The following HPF1 variants were observed in gnomAD, a reference collection of about 807,000 sequenced individuals.
HPF1 encodes UPF0609 protein C4orf27.
A neutral mutation model predicts 38.8 loss-of-function variants in HPF1; 35 were observed. The ratio of observed to expected loss-of-function variants is 0.90; its 90% CI spans 0.69 to 1.19. The LOEUF is 1.19. Among genes scored for constraint, HPF1 ranks in the 50% most tolerant of loss-of-function variants. HPF1 has a pLI of 0.00. For synonymous variants in HPF1, 115 were observed against 139.2 expected (o/e 0.83, Z 1.22); for missense variants, 367 against 405.8 (o/e 0.90, Z 0.82).
chr4:169,755,629 T>C (rs896618320), intron 1 of HPF1, among the ~76,000 whole-genome samples: 1 of 152,236 alleles, frequency 6.6e-6, no homozygotes, highest in Admixed American at 6.5e-5. Flanking sequence ...GGCTACACAA[T>C]ATGGACCAAC....
chr4:169,738,290 G>A (rs1733923423), intron 5 of HPF1, among the ~76,000 whole-genome samples: 1 of 152,128 alleles, frequency 6.6e-6, no homozygotes, highest in Non-Finnish European at 1.5e-5. Flanking sequence ...CTTTATGGAG[G>A]CAAATCACAT....
At chr4:169,731,643 T>A in intron 7 of HPF1, 61 bp downstream of exon 7, 1 of 1,283,756 alleles carries the variant, frequency 7.8e-7, no homozygotes, top group Non-Finnish European at 1.1e-6. Flanking sequence ...TGTGGATGTA[T>A]GTCGCGGGGA....
At chr4:169,733,445 C>T (rs953444886) in intron 6 of HPF1, among the ~76,000 whole-genome samples, 5 of 152,070 alleles carry the variant, frequency 3.3e-5, no homozygotes, top group African/African-American at 1.2e-4. Flanking sequence ...AACAAACCAA[C>T]AAAACATTTC....
In HPF1 at chr4:169,757,939, G is replaced by A. The variant is rs1328761370; in HGVS notation, c.-62C>T. The A allele has an allele frequency of 3.3e-6, 5 of 1,494,062 alleles. No individual in the cohort carries two copies. Among genetic ancestry groups the A allele is most frequent in the Non-Finnish European group, 4.5e-6 (5 of 1,110,334 alleles). 92.6% of individuals were successfully genotyped at this position (1,494,062 alleles called of 1,614,324 possible). A position where few individuals can be genotyped will look rare whatever the true frequency, so the allele number is the denominator to read the frequency against. On this transcript the variant is annotated 5_prime_UTR_variant, in exon 1 of 8. Coordinates refer to ENST00000393381, the MANE Select transcript of HPF1 (RefSeq NM_017867.3). ...CGGCCGCTTCCGAGCGCCGCCAACC[G>A]CTTCCGGGTTCAAAAGCCTCCAAGC...
intron 6 of HPF1, among the ~76,000 whole-genome samples, chr4:169,732,552 T>C (rs1424173477): frequency 1.3e-5 from 2 of 152,214 alleles, no homozygotes; most frequent in African/African-American, 2.4e-5. Context: ...CAAACCTGGC[T>C]CACCCTGTGT....
At chr4:169,730,233 G>A (rs938793413) in intron 7 of HPF1, among the ~76,000 whole-genome samples, 5 of 152,126 alleles carry the variant, frequency 3.3e-5, no homozygotes, top group African/African-American at 4.8e-5. Flanking sequence ...ATATACCACC[G>A]TTTTGCTGAT....
Position 169,729,694 on chromosome 4 carries a change from C to A in HPF1, c.925G>T (p.Ala309Ser). The change falls in exon 8 of 8, where the codon GCT becomes TCT. Residue 309 changes from alanine to serine, a missense_variant. Coordinates refer to ENST00000393381, the MANE Select transcript of HPF1 (RefSeq NM_017867.3). ...TATGCAAGAGGTAAAAGCTGGCCAG[C>A]AACTTTATGAAAATACTGAAAAATA... ...CYGSHYFHKV[A>S]GQLLPLAYNL... 1 of 1,518,216 alleles carries A rather than the reference C, an allele frequency of 6.6e-7. No individual in the cohort carries two copies. Among genetic ancestry groups the A allele is most frequent in the South Asian group, 1.3e-5 (1 of 75,206 alleles). 94.0% of individuals were successfully genotyped at this position (1,518,216 alleles called of 1,614,324 possible). A position where few individuals can be genotyped will look rare whatever the true frequency, so the allele number is the denominator to read the frequency against.
At chr4:169,736,781 A>G (rs1045241185) in intron 6 of HPF1, among the ~76,000 whole-genome samples, 4 of 152,200 alleles carry the variant, frequency 2.6e-5, no homozygotes, top group Non-Finnish European at 5.9e-5. Flanking sequence ...CCAGAAGAGG[A>G]TGATCAATAA....
rs1430633885 is a variant in HPF1 at position 169,741,996 on chromosome 4, A to G, written c.609T>C (p.Leu203=). 6.2e-7 allele frequency: 1 copy of G among 1,613,714 alleles called. No individual in the cohort carries two copies. The highest frequency in any genetic ancestry group is 8.5e-7 in the Non-Finnish European group (1 of 1,179,686). Residue 203 remains leucine (L), a synonymous_variant, in exon 5 of 8, where the codon CTT becomes CTC. Coordinates refer to ENST00000393381, the MANE Select transcript of HPF1 (RefSeq NM_017867.3). ...TEAARELGYS[L]EQRTVKMKQR... ...GTTTCATCTTCACGGTTCTCTGTTCAAGCGAGTACCCCAATTCTCTGGCTG... is the reference window on the plus strand; with the variant it reads ...GTTTCATCTTCACGGTTCTCTGTTCGAGCGAGTACCCCAATTCTCTGGCTG...
chr4:169,740,844 GAAAA>G (rs1733959790), intron 5 of HPF1, among the ~76,000 whole-genome samples: 1 of 152,060 alleles, frequency 6.6e-6, no homozygotes, highest in African/African-American at 2.4e-5. Flanking sequence ...GCTTGTGGTA[GAAAA>G]ATAAAAAAAG....
At chr4:169,750,001 C>A (rs7661889) in intron 3 of HPF1, among the ~76,000 whole-genome samples, 100,477 of 152,118 alleles carry the variant, frequency 0.66, 37,556 homozygotes, top group East Asian at 0.91. Flanking sequence ...AGCATTTCTA[C>A]TGGTACAAGC....
At chr4:169,753,158 C>T (rs534198689) in intron 2 of HPF1, among the ~76,000 whole-genome samples, 2 of 151,198 alleles carry the variant, frequency 1.3e-5, no homozygotes, top group East Asian at 2.0e-4. Context: ...CTCAGCTTCC[C>T]GAGTAGCTGG....
At chr4:169,747,824 C>A (rs1734068480) in intron 4 of HPF1, among the ~76,000 whole-genome samples, 1 of 152,238 alleles carries the variant, frequency 6.6e-6, no homozygotes. Flanking sequence ...TCAATGAGCA[C>A]AGCTGTAGAG....
chr4:169,737,504 G>C lies in HPF1; in HGVS notation c.736+156C>G, dbSNP rs571076849. On this transcript the variant is annotated intron_variant, in intron 6 of 7. Transcript: ENST00000393381. ...AGCTATGAACTCGGTTTTAATTCAG[G>C]AATGACTGACTCTAAAACCTCAGCT... Among the ~76,000 whole-genome samples, 4 of 152,166 alleles carry C rather than the reference G, an allele frequency of 2.6e-5. No homozygotes were observed. The South Asian group carries it at 8.3e-4, about 32-fold the overall frequency.
At chr4:169,736,216 A>G (rs1542872) in intron 6 of HPF1, among the ~76,000 whole-genome samples, 6,336 of 152,012 alleles carry the variant, frequency 0.042, 145 homozygotes, top group African/African-American at 0.061. Flanking sequence ...CCGTCTCTAC[A>G]GGACAAAAAC....
In HPF1 at chr4:169,757,857, C is replaced by A. The variant is rs770881068; in HGVS notation, c.21G>T (p.Lys7Asn). ...GCGGCCCCTCTCCGCCGGGCCTGCGCTTCCCGCCACCGCCGACCATTCTGC... is the reference window on the plus strand; with the variant it reads ...GCGGCCCCTCTCCGCCGGGCCTGCGATTCCCGCCACCGCCGACCATTCTGC... MVGGGGKRRPGGEGPQC... is the reference protein window; with the variant it reads MVGGGGNRRPGGEGPQC... Residue 7 changes from lysine to asparagine, a missense_variant, in exon 1 of 8, where the codon AAG becomes AAT. Transcript: ENST00000393381. 10 of 1,564,474 alleles carry A rather than the reference C, an allele frequency of 6.4e-6. No homozygotes were observed. In the South Asian group the frequency reaches 1.2e-4, roughly 18 times the overall value.
Position 169,750,607 on chromosome 4 carries a change from G to T in HPF1, c.327C>A (p.Tyr109Ter). 1 of 1,612,748 alleles carries T rather than the reference G, an allele frequency of 6.2e-7. No homozygotes were observed. The highest frequency in any genetic ancestry group is 8.5e-7 in the Non-Finnish European group (1 of 1,178,928). ...GLNFNLHWRF[Y>*]YDPPEFQTII... Reference sequence around the variant, plus strand: ...TGGTCTGGAACTCAGGAGGATCATAGTAAAACCTCCAGTGAAGGTTAAAAT... The same window carrying T: ...TGGTCTGGAACTCAGGAGGATCATATTAAAACCTCCAGTGAAGGTTAAAAT... The change falls in exon 3 of 8, where the codon TAC becomes TAA. Residue 109 changes from tyrosine to a stop codon, truncating the protein, a stop_gained. Coordinates refer to ENST00000393381, the MANE Select transcript of HPF1 (RefSeq NM_017867.3). LOFTEE classifies it high-confidence loss of function.
intron 6 of HPF1, among the ~76,000 whole-genome samples, chr4:169,733,851 T>C (rs1733860777): frequency 6.8e-6 from 1 of 147,146 alleles, no homozygotes; most frequent in Non-Finnish European, 1.5e-5. Context: ...GCCGTGGTCA[T>C]GCCACTGCAC....
chr4:169,757,228 C>T lies in HPF1; in HGVS notation c.48+602G>A, dbSNP rs11945528. On this transcript the variant is annotated intron_variant, in intron 1 of 7. Transcript: ENST00000393381. ...CCCATTTCCCTGGCTCCAGCCAAGC[C>T]GAACGCTCCGCTACGCCCAAACATC... 3.0e-3 allele frequency among the ~76,000 whole-genome samples: 451 copies of T among 152,286 alleles called. 1 individual carries two copies. Among genetic ancestry groups the T allele is most frequent in the Middle Eastern group, 0.017 (5 of 294 alleles).
Sources: gnomAD v4.1 joint callset for allele counts (sites outside exome capture counted in the v4.1 genomes callset) on GRCh38, gnomAD v4.1.1 for gene constraint, MANE v1.5 for transcripts, NCBI Gene and HGNC (gene_info 2026-07-23, HGNC 2026-07-21) for gene names.